Variants in CXADR observed in about 807,000 individuals in gnomAD.
CXADR encodes CXADR cell adhesion molecule.
CXADR carries 20 observed loss-of-function variants against 40.3 expected under a neutral mutation model. That is an observed-to-expected ratio of 0.50 (90% CI 0.35 to 0.72). The LOEUF is 0.72. CXADR is among the 30% of genes least tolerant of loss of function. CXADR has a pLI of 0.01. For synonymous variants in CXADR, 150 were observed against 161.3 expected, an observed-to-expected ratio of 0.93 and a Z score of 0.53; for missense variants, 332 against 449.1, an observed-to-expected ratio of 0.74 and a Z score of 2.36.
At chr21:17,632,672 C>A in the CXADR span, among the ~76,000 whole-genome samples, 4 of 151,810 alleles carry the variant, frequency 2.6e-5, no homozygotes, top group Admixed American at 1.3e-4. Flanking sequence ...TTGAGACCAT[C>A]CTGGCTAACA....
chr21:17,596,944 T>G (rs2123430611), downstream of CXADR, among the ~76,000 whole-genome samples: 1 of 152,234 alleles, frequency 6.6e-6, no homozygotes, highest in African/African-American at 2.4e-5. Context: ...AGAAATTTTG[T>G]TGTCCTTATT....
At chr21:17,626,229 G>A in the CXADR span, among the ~76,000 whole-genome samples, 30 of 152,178 alleles carry the variant, frequency 2.0e-4, no homozygotes, top group African/African-American at 6.5e-4. Flanking sequence ...ATTTGTCAAT[G>A]CAAACATACC....
chr21:17,550,228 C>T (rs1044259450), intron 2 of CXADR, among the ~76,000 whole-genome samples: 3 of 151,656 alleles, frequency 2.0e-5, no homozygotes, highest in African/African-American at 4.8e-5. Flanking sequence ...GTGGTGGGCA[C>T]TTGTAGTCCC....
the CXADR span, chr21:17,604,205 G>C: frequency 5.1e-6 from 5 of 977,608 alleles, no homozygotes; most frequent in Non-Finnish European, 6.8e-6. Context: ...CGCTTTGGGA[G>C]GCCAAGGCGG....
At chr21:17,626,379 G>A in the CXADR span, among the ~76,000 whole-genome samples, 10 of 152,126 alleles carry the variant, frequency 6.6e-5, no homozygotes, top group African/African-American at 2.4e-4. Context: ...CTGAACCATG[G>A]GGTGGTGATA....
chr21:17,598,666 A>C, the CXADR span: 1 of 1,614,104 alleles, frequency 6.2e-7, no homozygotes, highest in Non-Finnish European at 8.5e-7. Context: ...TTTCACTTCC[A>C]TTTCCTTACT....
Position 17,518,181 on chromosome 21 carries a change from G to A in CXADR, c.43+5009G>A, listed in dbSNP as rs147008560. Among the ~76,000 whole-genome samples, 728 of 152,078 alleles carry A rather than the reference G, an allele frequency of 4.8e-3. 5 individuals are homozygous for A. The highest frequency in any genetic ancestry group is 0.017 in the African/African-American group (699 of 41,470). ...TACTGGGGAGGGAGGAGGATAAATA[G>A]AACTGTTTTCCAATTTGCTCTCCAC... is the stretch of plus-strand genomic sequence containing the variant. On this transcript the variant is annotated intron_variant, in intron 1 of 6. Coordinates refer to ENST00000284878, the MANE Select transcript of CXADR (RefSeq NM_001338.5).
intron 1 of CXADR, among the ~76,000 whole-genome samples, chr21:17,532,701 G>A (rs1299369381): frequency 2.0e-5 from 3 of 152,196 alleles, no homozygotes; most frequent in African/African-American, 7.2e-5. Context: ...CATAGTAGAA[G>A]TATTAGGCTT....
In CXADR at chr21:17,569,383, C is replaced by T. The variant is rs445896; in HGVS notation, c.*3691C>T. On this transcript the variant is annotated 3_prime_UTR_variant, in exon 7 of 7. Coordinates refer to ENST00000284878, the MANE Select transcript of CXADR (RefSeq NM_001338.5). ...ATTATATATTATATATATATATGTACATATATCTTTATAACATTCCTGTGT... is the reference window on the plus strand; with the variant it reads ...ATTATATATTATATATATATATGTATATATATCTTTATAACATTCCTGTGT... The T allele has an allele frequency of 0.33, 320,478 of 977,992 alleles. 52,769 individuals are homozygous for T. The highest frequency in any genetic ancestry group is 0.33 in the Non-Finnish European group (272,050 of 824,336). 60.6% of individuals were successfully genotyped at this position (977,992 alleles called of 1,614,324 possible). A position where few individuals can be genotyped will look rare whatever the true frequency, so the allele number is the denominator to read the frequency against.
At chr21:17,548,283 C>T (rs2060923757) in intron 2 of CXADR, among the ~76,000 whole-genome samples, 1 of 152,090 alleles carries the variant, frequency 6.6e-6, no homozygotes. Context: ...AGTCGGTTTG[C>T]CCTTGATGTT....
chr21:17,626,313 G>C, the CXADR span, among the ~76,000 whole-genome samples: 1 of 152,172 alleles, frequency 6.6e-6, no homozygotes, highest in Middle Eastern at 3.2e-3. Context: ...GCAAGAAAAT[G>C]TGCTATATAC....
intron 7 of CXADR, among the ~76,000 whole-genome samples, chr21:17,580,575 A>T (rs1174451723): frequency 6.6e-6 from 1 of 151,830 alleles, no homozygotes; most frequent in Non-Finnish European, 1.5e-5. Flanking sequence ...GCACTACTGA[A>T]CTCCGGCCTG....
chr21:17,630,175 G>A, the CXADR span, among the ~76,000 whole-genome samples: 1 of 152,110 alleles, frequency 6.6e-6, no homozygotes, highest in Non-Finnish European at 1.5e-5. Flanking sequence ...TTTATCAAGA[G>A]ACCTAAGAAC....
At chr21:17,587,700 G>C (rs1273765815) in intron 7 of CXADR, among the ~76,000 whole-genome samples, 1 of 152,140 alleles carries the variant, frequency 6.6e-6, no homozygotes, top group Non-Finnish European at 1.5e-5. Context: ...TGTTCACTCT[G>C]ATGGTAGTTT....
At chr21:17,585,611 A>G (rs994344767) in intron 7 of CXADR, among the ~76,000 whole-genome samples, 2 of 151,966 alleles carry the variant, frequency 1.3e-5, no homozygotes, top group South Asian at 2.1e-4. Flanking sequence ...TCCGCCTCCC[A>G]GGTTCAAGCG....
At chr21:17,612,399 C>T in the CXADR span, 1 of 152,282 alleles carries the variant, frequency 6.6e-6, no homozygotes, top group Non-Finnish European at 1.5e-5. Flanking sequence ...TGTCGCCCAC[C>T]CGGAGGCGGA....
intron 1 of CXADR, among the ~76,000 whole-genome samples, chr21:17,534,100 AT>A (rs1157117899): frequency 0.024 from 1,443 of 59,938 alleles, 17 homozygotes; most frequent in Middle Eastern, 0.065. Flanking sequence ...ATATATATAT[AT>A]TTTTTTTTTT....
chr21:17,585,665 G>A (rs925210997), intron 7 of CXADR, among the ~76,000 whole-genome samples: 1 of 151,950 alleles, frequency 6.6e-6, no homozygotes, highest in Non-Finnish European at 1.5e-5. Flanking sequence ...TTACAGGCGC[G>A]TGCCACTACG....
chr21:17,538,140 C>T (rs1430778565), intron 1 of CXADR, among the ~76,000 whole-genome samples: 2 of 152,126 alleles, frequency 1.3e-5, no homozygotes, highest in Non-Finnish European at 1.5e-5. Context: ...CAGCTGAGAC[C>T]GTAGGCATGT....
Sources: gnomAD v4.1 joint callset for allele counts (sites outside exome capture counted in the v4.1 genomes callset) on GRCh38, gnomAD v4.1.1 for gene constraint, MANE v1.5 for transcripts, NCBI Gene and HGNC (gene_info 2026-07-23, HGNC 2026-07-21) for gene names.